The following BRWD1 variants were observed in gnomAD, a reference collection of about 807,000 sequenced individuals.
The protein encoded by BRWD1 is bromodomain and WD repeat domain containing 1.
BRWD1 carries 82 observed loss-of-function variants against 251.2 expected under a neutral mutation model. That is an observed-to-expected ratio of 0.33 (90% CI 0.27 to 0.39). BRWD1 has a LOEUF of 0.39. BRWD1 is among the 10% of genes least tolerant of loss of function. BRWD1 has a pLI of 1.00. For missense variants in BRWD1, 2,233 were observed against 2,711.6 expected (o/e 0.82, Z 3.92); for synonymous variants, 918 against 902.8 (o/e 1.02, Z -0.30).
exon 1 of BRWD1, chr21:39,321,037 A>T (rs1049614135): frequency 6.6e-6 from 1 of 152,230 alleles, no homozygotes; most frequent in South Asian, 2.1e-4. Flanking sequence ...TTCAAAATGT[A>T]TCCAGAATCT....
chr21:39,230,443 T>TA (rs1468164927), intron 25 of BRWD1, among the ~76,000 whole-genome samples: 1 of 152,208 alleles, frequency 6.6e-6, no homozygotes, highest in East Asian at 1.9e-4. Flanking sequence ...AACACTGAAA[T>TA]AAAATACTAA....
intron 31 of BRWD1, 48 bp downstream of exon 31, chr21:39,218,104 T>C (rs768973563): frequency 2.7e-5 from 41 of 1,542,536 alleles, no homozygotes; most frequent in Middle Eastern, 1.7e-4. Context: ...CTAGTCAATA[T>C]TGCCAAATAT....
rs2031536716 is a variant in BRWD1 at position 39,191,266 on chromosome 21, T to C, written c.*4993A>G. ...TTCAGTTCCCCTATCCAAGCTCATA[T>C]GTAAAACTCACAGCGCTCGCACCCC... On this transcript the variant is annotated 3_prime_UTR_variant, in exon 41 of 41. Coordinates refer to ENST00000342449, the MANE Select transcript of BRWD1 (RefSeq NM_033656.4). The C allele has an allele frequency of 6.1e-6, 6 of 985,164 alleles. No individual in the cohort carries two copies. Among genetic ancestry groups the C allele is most frequent in the African/African-American group, 3.5e-5 (2 of 57,198 alleles). 61.0% of individuals were successfully genotyped at this position (985,164 alleles called of 1,614,324 possible).
Position 39,264,470 on chromosome 21 carries a change from A to G in BRWD1, c.1875T>C (p.Tyr625=). Residue 625 remains tyrosine (Y), a synonymous_variant, in exon 17 of 41, where the codon TAT becomes TAC. Transcript: ENST00000342449. Reference sequence around the variant, plus strand: ...AAAGACTGCACTTACTTGTTGCCACATAGCCCAGCTGTGGAATCAAATGTT... The same window carrying G: ...AAAGACTGCACTTACTTGTTGCCACGTAGCCCAGCTGTGGAATCAAATGTT... ...ADEHLIPQLG[Y]VATSDGEVIE... The G allele has an allele frequency of 1.3e-6, 2 of 1,589,060 alleles. No homozygotes were observed. The highest frequency in any genetic ancestry group is 1.7e-6 in the Non-Finnish European group (2 of 1,171,432).
intron 21 of BRWD1, among the ~76,000 whole-genome samples, chr21:39,241,830 C>T (rs1015894444): frequency 3.3e-5 from 5 of 152,100 alleles, no homozygotes; most frequent in African/African-American, 1.2e-4. Flanking sequence ...TTAGTAATTA[C>T]CATATTTCAA....
In BRWD1 at chr21:39,194,901, T is replaced by G. The variant is rs1461409835; in HGVS notation, c.*1358A>C. On this transcript the variant is annotated 3_prime_UTR_variant, in exon 41 of 41. Transcript: ENST00000342449. The stretch of plus-strand genomic sequence containing the variant: ...AACACAATTAGGGCTAATAAATAAC[T>G]TACAGGTGGGGTACTGTAACATATC... 3 of 1,522,540 alleles carry G rather than the reference T, an allele frequency of 2.0e-6. No homozygotes were observed. Among genetic ancestry groups the G allele is most frequent in the Non-Finnish European group, 2.6e-6 (3 of 1,139,552 alleles). The allele number at this position is 1,522,540 out of a possible 1,614,324, so 94.3% of individuals were successfully genotyped here. A position where few individuals can be genotyped will look rare whatever the true frequency, so the allele number is the denominator to read the frequency against.
intron 8 of BRWD1, among the ~76,000 whole-genome samples, chr21:39,291,109 C>CA (rs1165768378): frequency 1.3e-5 from 2 of 152,076 alleles, no homozygotes; most frequent in African/African-American, 2.4e-5. Context: ...GGGCCAAAAA[C>CA]AAAAAACAAA....
Position 39,193,598 on chromosome 21 carries a change from C to G in BRWD1, c.*2661G>C, listed in dbSNP as rs2031664108. The G allele has an allele frequency of 2.0e-6, 2 of 985,276 alleles. No homozygotes were observed. Among genetic ancestry groups the G allele is most frequent in the Non-Finnish European group, 2.4e-6 (2 of 829,672 alleles). The allele number at this position is 985,276 out of a possible 1,614,324, so 61.0% of individuals were successfully genotyped here. ...CCATAGGACTTTGGACATACACAAC[C>G]AAAGTAGTTTTTGTTTTTCACATAC... On this transcript the variant is annotated 3_prime_UTR_variant, in exon 41 of 41. Coordinates refer to ENST00000342449, the MANE Select transcript of BRWD1 (RefSeq NM_033656.4).
rs368186556 is a variant in BRWD1 at position 39,190,982 on chromosome 21, C to CA, written c.*5276dup. 5.1e-4 allele frequency: 507 copies of CA among 985,268 alleles called. 2 individuals carry two copies. In the African/African-American group the frequency reaches 7.7e-3, roughly 15 times the overall value. 61.0% of individuals were successfully genotyped at this position (985,268 alleles called of 1,614,324 possible). ...GTTTTCTCTCACCCCTAGAAAAACT[C>CA]AGATTTGTGATGGCTATTGCAATTT... On this transcript the variant is annotated 3_prime_UTR_variant, in exon 41 of 41. Transcript: ENST00000342449.
At chr21:39,236,561 A>C in intron 23 of BRWD1, 34 bp downstream of exon 23, 4 of 1,488,662 alleles carry the variant, frequency 2.7e-6, no homozygotes, top group Non-Finnish European at 2.7e-6. Flanking sequence ...GGGTATCATG[A>C]TACATGCTAT....
At chr21:39,318,230 G>T (rs935848611), upstream of BRWD1, among the ~76,000 whole-genome samples, 1 of 152,100 alleles carries the variant, frequency 6.6e-6, no homozygotes, top group Non-Finnish European at 1.5e-5. Flanking sequence ...GGTGACCAAA[G>T]AAGTCTGGTT....
Position 39,196,477 on chromosome 21 carries a change from T to A in BRWD1, c.6592A>T (p.Ile2198Leu), listed in dbSNP as rs768563077. ...CTTTGACGTCTCACAGTTTTAGATA[T>A]GTTAGCTGTAAAAGTTTTACCTTTT... ...VRKGKTFTAN[I>L]SKTVRRQRQS... The change falls in exon 41 of 41, where the codon ATA becomes TTA. Residue 2198 changes from isoleucine (I) to leucine (L), a missense_variant. Ile to Leu is a conservative substitution (Grantham distance 5). Around this residue, in one of 12 missense-constraint regions of BRWD1, gnomAD observed 928 missense variants for 970.0 expected, o/e 0.96. Coordinates refer to ENST00000342449, the MANE Select transcript of BRWD1 (RefSeq NM_033656.4). 1.2e-6 allele frequency: 2 copies of A among 1,613,114 alleles called. No individual in the cohort carries two copies. Among genetic ancestry groups the A allele is most frequent in the Non-Finnish European group, 8.5e-7 (1 of 1,179,634 alleles).
chr21:39,306,134 A>G (rs890842779), intron 4 of BRWD1, among the ~76,000 whole-genome samples: 14 of 150,782 alleles, frequency 9.3e-5, no homozygotes, highest in African/African-American at 3.4e-4. Context: ...CAGTGGTGCA[A>G]TCTTGGCTCA....
chr21:39,312,309 G>A (rs985655612), intron 4 of BRWD1, among the ~76,000 whole-genome samples: 1 of 152,244 alleles, frequency 6.6e-6, no homozygotes, highest in African/African-American at 2.4e-5. Context: ...AAGCACTACA[G>A]TGGCATATTC....
At chr21:39,282,327 G>C (rs191325576) in intron 8 of BRWD1, among the ~76,000 whole-genome samples, 4 of 152,168 alleles carry the variant, frequency 2.6e-5, no homozygotes, top group Admixed American at 2.6e-4. Flanking sequence ...GCCATTAACA[G>C]AAAGCAAAGT....
chr21:39,279,150 A>G (rs2035369979), intron 9 of BRWD1, among the ~76,000 whole-genome samples: 1 of 152,214 alleles, frequency 6.6e-6, no homozygotes, highest in East Asian at 1.9e-4. Context: ...TACACCCAAA[A>G]TATCAACATG....
At chr21:39,248,357 A>G (rs528409197) in intron 20 of BRWD1, among the ~76,000 whole-genome samples, 158 of 152,250 alleles carry the variant, frequency 1.0e-3, no homozygotes, top group African/African-American at 3.4e-3. Flanking sequence ...TACACCTGTA[A>G]TTCCAGCACT....
chr21:39,216,787 T>C (rs183811594), intron 31 of BRWD1: 5 of 298,896 alleles, frequency 1.7e-5, no homozygotes, highest in Admixed American at 7.5e-5. Context: ...CAGAAATATA[T>C]TTTTTTTAAC....
chr21:39,230,829 A>AAC (rs905538596), intron 25 of BRWD1, among the ~76,000 whole-genome samples: 6 of 152,012 alleles, frequency 3.9e-5, no homozygotes, highest in African/African-American at 1.4e-4. Flanking sequence ...AAGGCAGAGC[A>AAC]ACACCTTGTT....
Sources: gnomAD v4.1 joint callset for allele counts (sites outside exome capture counted in the v4.1 genomes callset) on GRCh38, gnomAD v4.1.1 for gene constraint, gnomAD v4.1.1 regional missense constraint, MANE v1.5 for transcripts, NCBI Gene and HGNC (gene_info 2026-07-23, HGNC 2026-07-21) for gene names.